Variants in VGLL4 observed in about 807,000 individuals in gnomAD.
VGLL4 encodes the protein transcription cofactor vestigial-like protein 4.
A neutral mutation model predicts 21.0 loss-of-function variants in VGLL4; 7 were observed. The observed-to-expected ratio is 0.33, with a 90% CI of 0.19 to 0.63. The LOEUF (loss-of-function observed/expected upper bound fraction) is 0.63. Among genes scored for constraint, VGLL4 ranks in the 20% least tolerant of loss-of-function variants. VGLL4 has a pLI of 0.78. For missense variants in VGLL4, 394 were observed against 425.7 expected, an observed-to-expected ratio of 0.93 and a Z score of 0.66; for synonymous variants, 222 against 173.2, an observed-to-expected ratio of 1.28 and a Z score of -2.21.
At chr3:11,642,092 C>CA (rs1324366658) in intron 1 of VGLL4, among the ~76,000 whole-genome samples, 1 of 151,402 alleles carries the variant, frequency 6.6e-6, no homozygotes, top group East Asian at 1.9e-4. Flanking sequence ...ACAAGCCCAG[C>CA]AATGGCTGCT....
chr3:11,563,964 A>G (rs2073277773), intron 3 of VGLL4, among the ~76,000 whole-genome samples: 1 of 152,194 alleles, frequency 6.6e-6, no homozygotes, highest in African/African-American at 2.4e-5. Flanking sequence ...AGCCCCGGTG[A>G]GGCCACAGGG....
chr3:11,674,103 C>T (rs897339742), intron 2 of VGLL4, among the ~76,000 whole-genome samples: 1 of 151,380 alleles, frequency 6.6e-6, no homozygotes, highest in African/African-American at 2.4e-5. Context: ...AGCTCGCCTC[C>T]AAAACCCTGA....
In VGLL4 at chr3:11,679,662, G is replaced by A. The variant is rs559193292; in HGVS notation, c.64+23309C>T. On this transcript the variant is annotated intron_variant, in intron 2 of 5. Coordinates refer to the VGLL4 transcript ENST00000273038. ...TGCACCACTGTACTTCAGCCTGGGC[G>A]ACAGAGCAACACTCTGGCTCAAAAA... Among the ~76,000 whole-genome samples the A allele has an allele frequency of 1.9e-4, 29 of 152,176 alleles. 1 individual carries two copies. In the South Asian group the frequency reaches 5.2e-3, roughly 27 times the overall value.
intron 1 of VGLL4, among the ~76,000 whole-genome samples, chr3:11,711,146 T>A (rs1049972881): frequency 2.6e-5 from 4 of 150,996 alleles, no homozygotes; most frequent in Admixed American, 2.6e-4. Flanking sequence ...GGCTCATGCC[T>A]GTAATTCCAG....
chr3:11,714,236 G>A (rs79034668), intron 1 of VGLL4, among the ~76,000 whole-genome samples: 2,872 of 152,180 alleles, frequency 0.019, 103 homozygotes, highest in East Asian at 0.12. Context: ...TCTTACTGCT[G>A]GCTGAAGTCC....
chr3:11,599,047 T>C (rs752894230), intron 2 of VGLL4, among the ~76,000 whole-genome samples: 19 of 152,184 alleles, frequency 1.2e-4, no homozygotes, highest in Non-Finnish European at 2.4e-4. Context: ...AGGAAACATT[T>C]CATCAAACAG....
Position 11,568,907 on chromosome 3 carries a change from C to A in VGLL4, c.273-3888G>T. 1 of 1,287,078 alleles carries A rather than the reference C, an allele frequency of 7.8e-7. No individual in the cohort carries two copies. Among genetic ancestry groups the A allele is most frequent in the Non-Finnish European group, 9.9e-7 (1 of 1,012,570 alleles). The allele number at this position is 1,287,078 out of a possible 1,614,324, so 79.7% of individuals were successfully genotyped here. A position where few individuals can be genotyped will look rare whatever the true frequency, so the allele number is the denominator to read the frequency against. ...CCCGGCCCCGCCCCGGGCCTCATCC[C>A]CATCCTAGGCGGGCACTTCCACTGC... On this transcript the variant is annotated intron_variant, in intron 2 of 4. Transcript: ENST00000430365. The surrounding 1 kb of genome is among the most constrained non-coding windows in gnomAD (Gnocchi z 5.9).
intron 1 of VGLL4, among the ~76,000 whole-genome samples, chr3:11,602,648 CTT>C (rs1279379438): frequency 1.3e-5 from 2 of 152,164 alleles, no homozygotes; most frequent in East Asian, 3.8e-4. Context: ...CGGCATATAA[CTT>C]ATCGCAAGCA....
intron 2 of VGLL4, among the ~76,000 whole-genome samples, chr3:11,654,084 CCCACCA>C (rs946067185): frequency 6.6e-6 from 1 of 151,610 alleles, no homozygotes; most frequent in Non-Finnish European, 1.5e-5. Context: ...TAGGACACCC[CCCACCA>C]CCACCACCAC....
At chr3:11,711,553 CAA>C (rs879590150) in intron 1 of VGLL4, among the ~76,000 whole-genome samples, 4 of 131,888 alleles carry the variant, frequency 3.0e-5, no homozygotes, top group Admixed American at 7.7e-5. Flanking sequence ...GGCTCCATCT[CAA>C]AAAAAAAAAA....
At chr3:11,642,650 TAAGA>T (rs1051350389) in intron 1 of VGLL4, among the ~76,000 whole-genome samples, 21 of 152,320 alleles carry the variant, frequency 1.4e-4, no homozygotes, top group African/African-American at 4.8e-4. Context: ...TCCGAGGGCT[TAAGA>T]AATAGATTTT....
At chr3:11,663,843 A>G (rs1481853907) in intron 2 of VGLL4, among the ~76,000 whole-genome samples, 1 of 152,264 alleles carries the variant, frequency 6.6e-6, no homozygotes, top group African/African-American at 2.4e-5. Context: ...AAAACAATGG[A>G]ATTTAATTTC....
At chr3:11,673,255 A>AT (rs1364077452) in intron 2 of VGLL4, among the ~76,000 whole-genome samples, 16 of 152,194 alleles carry the variant, frequency 1.1e-4, no homozygotes, top group African/African-American at 3.9e-4. Flanking sequence ...TAAAATATAT[A>AT]TATATACCAA....
At chr3:11,612,387 A>G (rs1254236666) in intron 1 of VGLL4, among the ~76,000 whole-genome samples, 1 of 152,232 alleles carries the variant, frequency 6.6e-6, no homozygotes, top group African/African-American at 2.4e-5. Flanking sequence ...ATGTCTTACT[A>G]TACATATCAT....
chr3:11,696,992 C>T (rs1559950386), intron 2 of VGLL4, among the ~76,000 whole-genome samples: 1 of 152,202 alleles, frequency 6.6e-6, no homozygotes, highest in Admixed American at 6.5e-5. Flanking sequence ...ACCATCCCAC[C>T]TTGGTCTCCC....
In VGLL4 at chr3:11,590,112, G is replaced by C. The variant is rs569223065; in HGVS notation, c.272+11721C>G. Among the ~76,000 whole-genome samples, 3 of 152,304 alleles carry C rather than the reference G, an allele frequency of 2.0e-5. No individual in the cohort carries two copies. In the East Asian group the frequency reaches 5.8e-4, roughly 29 times the overall value. ...TTGGGACCACCGAACTTTGACCAGG[G>C]AACACTTCCGTTTCCCTTAGAGCAT... On this transcript the variant is annotated intron_variant, in intron 2 of 4. Transcript: ENST00000430365.
In VGLL4 at chr3:11,631,421, C is replaced by T. The variant is rs138087116; in HGVS notation, c.82+12016G>A. 3.9e-3 allele frequency among the ~76,000 whole-genome samples: 600 copies of T among 152,234 alleles called. 9 individuals are homozygous for T. The highest frequency in any genetic ancestry group is 0.014 in the African/African-American group (581 of 41,522). On this transcript the variant is annotated intron_variant, in intron 1 of 4. Transcript: ENST00000430365. ...ACTAAACCTAAATATAAAAGAAACACAAATCTGAGTTTTTTGTCCTTATCA... is the reference window on the plus strand; with the variant it reads ...ACTAAACCTAAATATAAAAGAAACATAAATCTGAGTTTTTTGTCCTTATCA...
rs371428293 is a variant in VGLL4 at position 11,558,752 on chromosome 3, G to T, written c.695C>A (p.Pro232Gln). 1.2e-6 allele frequency: 2 copies of T among 1,614,160 alleles called. No homozygotes were observed. The highest frequency in any genetic ancestry group is 1.3e-5 in the African/African-American group (1 of 75,044). The change falls in exon 5 of 5, where the codon CCG becomes CAG. Residue 232 changes from proline to glutamine, a missense_variant. By Grantham distance (76) the Pro-to-Gln change is moderately conservative (BLOSUM62 -1). Transcript: ENST00000430365. The part of the protein sequence containing the change: ...SLGKNYKEPE[P>Q]APNSVSITGS... ...CGTGATGGACACGGAGTTGGGTGCC[G>T]GCTCGGGCTCCTTGTAATTCTTGCC...
intron 2 of VGLL4, among the ~76,000 whole-genome samples, chr3:11,655,966 G>A (rs1277151313): frequency 6.6e-6 from 1 of 152,214 alleles, no homozygotes. Context: ...CAAATGGGAA[G>A]GGAGAGCTCC....
Sources: gnomAD v4.1 joint callset for allele counts (sites outside exome capture counted in the v4.1 genomes callset) on GRCh38, gnomAD v4.1.1 for gene constraint, Gnocchi (gnomAD v3.1) non-coding constraint, MANE v1.5 for transcripts, NCBI Gene and HGNC (gene_info 2026-07-23, HGNC 2026-07-21) for gene names.